MYOM3: variants seen among roughly 807,000 people sequenced by gnomAD.
MYOM3 encodes myomesin-3.
MYOM3 carries 155 observed loss-of-function variants against 191.7 expected under a neutral mutation model. The ratio of observed to expected loss-of-function variants is 0.81; its 90% CI spans 0.71 to 0.92. MYOM3 has a LOEUF of 0.92. Among genes scored for constraint, MYOM3 ranks in the 40% least tolerant of loss-of-function variants. MYOM3 has a pLI of 0.00. For missense variants in MYOM3, 1,889 were observed against 1,890.6 expected, an observed-to-expected ratio of 1.00 and a Z score of 0.02; for synonymous variants, 757 against 762.9, an observed-to-expected ratio of 0.99 and a Z score of 0.13.
chr1:24,079,192 C>T (rs190443932), intron 20 of MYOM3, among the ~76,000 whole-genome samples: 52 of 152,182 alleles, frequency 3.4e-4, no homozygotes, highest in African/African-American at 1.1e-3. Context: ...AATACATGCA[C>T]GTAGGTCCAC....
intron 26 of MYOM3, 21 bp downstream of exon 26, chr1:24,068,202 G>T: frequency 1.9e-6 from 3 of 1,611,734 alleles, no homozygotes; most frequent in Non-Finnish European, 2.5e-6. Flanking sequence ...GCTGGGCGGG[G>T]CGAGGCTGGG....
intron 16 of MYOM3, chr1:24,084,053 G>A (rs937235028): frequency 3.2e-5 from 6 of 186,676 alleles, no homozygotes; most frequent in Non-Finnish European, 5.6e-5. Flanking sequence ...GGTGCAGGAA[G>A]AGGGGTGATC....
At chr1:24,108,229 C>T (rs1570891231) in intron 2 of MYOM3, 156 bp from the exon 3 acceptor site, 1 of 775,494 alleles carries the variant, frequency 1.3e-6, no homozygotes, top group East Asian at 2.8e-5. Context: ...AGGCTGCATC[C>T]CCCCGACCCT....
At chr1:24,072,136 C>CAAGGTCGGGGGAG in intron 23 of MYOM3, 123 bp from the exon 24 acceptor site, 1 of 927,316 alleles carries the variant, frequency 1.1e-6, no homozygotes, top group Non-Finnish European at 1.7e-6. Flanking sequence ...ACACCTCCCC[C>CAAGGTCGGGGGAG]GACCTTGGGG....
chr1:24,065,898 A>G lies in MYOM3; in HGVS notation c.3527T>C (p.Ile1176Thr), dbSNP rs1461403450. ...AGCTGGAGCCACACTTGCCTCTTCA[A>G]TGCAGAGAAGTCCCGTTCCCGTCTC... The part of the protein sequence containing the change: ...DPETGTGLLC[I>T]EELSKKDKGI... Residue 1176 changes from isoleucine (I) to threonine (T), a missense_variant, in exon 29 of 37, where the codon ATT (isoleucine) becomes ACT (threonine). Coordinates refer to ENST00000374434, the MANE Select transcript of MYOM3 (RefSeq NM_152372.4). 6.2e-6 allele frequency: 10 copies of G among 1,608,884 alleles called. No homozygotes were observed. Among genetic ancestry groups the G allele is most frequent in the Non-Finnish European group, 8.5e-6 (10 of 1,175,182 alleles).
chr1:24,084,525 CG>C lies in MYOM3; in HGVS notation c.1912del (p.Arg638GlyfsTer26). The C allele has an allele frequency of 6.2e-7, 1 of 1,614,150 alleles. No homozygotes were observed. The highest frequency in any genetic ancestry group is 8.5e-7 in the Non-Finnish European group (1 of 1,180,046). ...TTGCCACTCAGATGTCCCCACCTTC[CG>C]GGAGTAGATGTAATAACCCAGGAGC... Reference protein sequence around the residue: ...PELLGYYIYSRKVGTSEWQTV... With the variant: ...PELLGYYIYSXKVGTSEWQTV... On this transcript the variant is annotated frameshift_variant, in exon 16 of 37. Coordinates refer to ENST00000374434, the MANE Select transcript of MYOM3 (RefSeq NM_152372.4). LOFTEE classifies it high-confidence loss of function.
At chr1:24,085,370 A>G (rs1643726691) in intron 15 of MYOM3, among the ~76,000 whole-genome samples, 1 of 152,178 alleles carries the variant, frequency 6.6e-6, no homozygotes, top group Non-Finnish European at 1.5e-5. Flanking sequence ...GGATAGATGG[A>G]TGAATAGATG....
At position 24,092,255 on chromosome 1, in the gene MYOM3, ACATCCAGG is replaced by A. The variant is rs1345690130; in HGVS notation, c.1143_1150del (p.Leu382GlufsTer14). ...AGTCAGGATGAGGCAGTCTCTGTTC[ACATCCAGG>A]CATCGGACGTTCAGTGGGGAGCCTG... On this transcript the variant is annotated frameshift_variant, in exon 11 of 37. Coordinates refer to ENST00000374434, the MANE Select transcript of MYOM3 (RefSeq NM_152372.4). LOFTEE classifies it high-confidence loss of function. 7.1e-7 allele frequency: 1 copy of A among 1,407,504 alleles called. No individual in the cohort carries two copies. 87.2% of individuals were successfully genotyped at this position (1,407,504 alleles called of 1,614,324 possible).
At chr1:24,081,557 GC>G (rs1643669109) in intron 18 of MYOM3, 101 bp from the exon 19 acceptor site, 1 of 1,381,616 alleles carries the variant, frequency 7.2e-7, no homozygotes, top group Non-Finnish European at 9.9e-7. Flanking sequence ...GTCTGTGGGG[GC>G]TTTGCTTTTA....
At chr1:24,070,901 G>GCC (rs1243198355) in intron 25 of MYOM3, among the ~76,000 whole-genome samples, 2 of 152,146 alleles carry the variant, frequency 1.3e-5, no homozygotes, top group African/African-American at 4.8e-5. Context: ...GCACTGGCCA[G>GCC]CATGTAGTGT....
intron 4 of MYOM3, among the ~76,000 whole-genome samples, chr1:24,106,356 CTGTGGGGG>C (rs576393918): frequency 6.6e-6 from 1 of 152,120 alleles, no homozygotes; most frequent in African/African-American, 2.4e-5. Context: ...CCCTCACCCA[CTGTGGGGG>C]TGTGGGGGTG....
Position 24,111,802 on chromosome 1 carries a change from C to A in MYOM3, c.-19+229G>T, listed in dbSNP as rs1250966130. On this transcript the variant is annotated intron_variant, in intron 1 of 36. Coordinates refer to ENST00000374434, the MANE Select transcript of MYOM3 (RefSeq NM_152372.4). The surrounding 1 kb of genome is among the most constrained non-coding windows in gnomAD (Gnocchi z 4.7). ...AGCTCAGCTCTCAGAAGACCCAGGG[C>A]CACACAGAACAGTGGGATGGGGCAG... Among the ~76,000 whole-genome samples the A allele has an allele frequency of 6.6e-6, 1 of 151,824 alleles. No homozygotes were observed. Among genetic ancestry groups the A allele is most frequent in the Non-Finnish European group, 1.5e-5 (1 of 67,960 alleles).
chr1:24,077,687 C>T (rs796808300), intron 20 of MYOM3, among the ~76,000 whole-genome samples: 1 of 152,358 alleles, frequency 6.6e-6, no homozygotes, highest in African/African-American at 2.4e-5. Context: ...TATTTAGCTT[C>T]CCATGCCTAG....
chr1:24,086,789 C>A lies in MYOM3; in HGVS notation c.1653G>T (p.Ser551=). 1 of 1,614,172 alleles carries A rather than the reference C, an allele frequency of 6.2e-7. No homozygotes were observed. Among genetic ancestry groups the A allele is most frequent in the Non-Finnish European group, 8.5e-7 (1 of 1,180,008 alleles). Residue 551 remains serine, a synonymous_variant, in exon 15 of 37, where the codon TCG becomes TCT. Coordinates refer to ENST00000374434, the MANE Select transcript of MYOM3 (RefSeq NM_152372.4). ...ATCTCGGGGATCTCACAGGGCTTTC[C>A]GAGCTGATGGCCTCCCAGGTGCCAC... The part of the protein sequence containing the change: ...IGSGTWEAIS[S]ESPVRSPRFA...
At position 24,082,111 on chromosome 1, in the gene MYOM3, T is replaced by A. The variant is rs769572693; in HGVS notation, c.2170A>T (p.Lys724Ter). The change falls in exon 18 of 37, where the codon AAG becomes TAG. Residue 724 changes from lysine to a stop codon, truncating the protein, a stop_gained. Coordinates refer to ENST00000374434, the MANE Select transcript of MYOM3 (RefSeq NM_152372.4). LOFTEE classifies it high-confidence loss of function. Reference sequence around the variant, plus strand: ...AGGATCTTGCCACCTCCACGACGCTTGGGGGGTTTCCACCCAATGACCATT... The same window carrying A: ...AGGATCTTGCCACCTCCACGACGCTAGGGGGGTTTCCACCCAATGACCATT... ...NEMVIGWKPP[K>*]RRGGGKILGY... 3 of 1,613,750 alleles carry A rather than the reference T, an allele frequency of 1.9e-6. No homozygotes were observed. The highest frequency in any genetic ancestry group is 2.5e-6 in the Non-Finnish European group (3 of 1,179,966).
chr1:24,065,423 C>T (rs1437781240), intron 29 of MYOM3, among the ~76,000 whole-genome samples: 3 of 152,182 alleles, frequency 2.0e-5, no homozygotes, highest in Non-Finnish European at 4.4e-5. Flanking sequence ...AGCTCCAGGC[C>T]TGCTTTATTC....
rs1351979633 is a variant in MYOM3 at position 24,068,101 on chromosome 1, C to G, written c.3296-72G>C. 3.2e-6 allele frequency: 5 copies of G among 1,587,010 alleles called. No homozygotes were observed. The Admixed American group carries it at 8.4e-5, about 27-fold the overall frequency. On this transcript the variant is annotated intron_variant, in intron 26 of 36. Coordinates refer to ENST00000374434, the MANE Select transcript of MYOM3 (RefSeq NM_152372.4). ...GTCTGGAGAGGGGACATGGGGTGGA[C>G]AGAAGTCGAGGGGGCTGTGCTCAGC...
rs770257358 is a variant in MYOM3, at chr1:24,086,671, C to T, written c.1771G>A (p.Glu591Lys). 3 of 1,613,930 alleles carry T rather than the reference C, an allele frequency of 1.9e-6. No individual in the cohort carries two copies. Among genetic ancestry groups the T allele is most frequent in the Admixed American group, 1.7e-5 (1 of 59,988 alleles). The change falls in exon 15 of 37, where the codon GAA becomes AAA. Residue 591 changes from glutamate to lysine, a missense_variant. Physicochemically the swap from Glu to Lys is moderately conservative, Grantham distance 56. Coordinates refer to ENST00000374434, the MANE Select transcript of MYOM3 (RefSeq NM_152372.4). ...YGLSDPSEPS[E>K]PIALRGPPAT... ...GGCGGGCCCCGCAAGGCGATGGGTT[C>T]GCTGGGCTCCGAGGGATCGCTCAGG...
Position 24,082,004 on chromosome 1 carries a change from G to A in MYOM3, c.2277C>T (p.Cys759=), listed in dbSNP as rs750385948. 1.2e-6 allele frequency: 2 copies of A among 1,608,326 alleles called. No homozygotes were observed. Among genetic ancestry groups the A allele is most frequent in the Admixed American group, 3.3e-5 (2 of 59,804 alleles). ...VNQQPIPTRV[C]KVSDLHEGHF... is the part of the protein sequence containing the mutation. The stretch of plus-strand genomic sequence containing the variant: ...TGGGGCCACCTTCCAGCCCTACCTT[G>A]CAGACCCGGGTGGGGATGGGCTGCT... The change falls in exon 18 of 37, where the codon TGC becomes TGT. Residue 759 remains cysteine (C), a synonymous_variant. Transcript: ENST00000374434.
Sources: gnomAD v4.1 joint callset for allele counts (sites outside exome capture counted in the v4.1 genomes callset) on GRCh38, gnomAD v4.1.1 for gene constraint, Gnocchi (gnomAD v3.1) non-coding constraint, MANE v1.5 for transcripts, NCBI Gene and HGNC (gene_info 2026-07-23, HGNC 2026-07-21) for gene names.